Variants in NDE1 observed in about 807,000 individuals in gnomAD.
The protein encoded by NDE1 is nuclear distribution protein nudE homolog 1.
In NDE1, 28 loss-of-function variants were observed where a neutral mutation model predicts 43.4. The observed-to-expected ratio is 0.65, with a 90% confidence interval of 0.48 to 0.89. The LOEUF (loss-of-function observed/expected upper bound fraction) is 0.89, where lower values mean the gene tolerates loss of function less well. Among genes scored for constraint, NDE1 ranks in the 40% least tolerant of loss-of-function variants. The pLI is 0.00. For missense variants in NDE1, 441 were observed against 434.1 expected (o/e 1.02, Z -0.14); for synonymous variants, 184 against 172.0 (o/e 1.07, Z -0.55).
chr16:15,703,772 T>G, intron 8 of NDE1: 1 of 620,216 alleles, frequency 1.6e-6, no homozygotes, highest in Non-Finnish European at 2.8e-6. Flanking sequence ...AATTCTTGTA[T>G]AGATGAGGTT....
chr16:15,718,196 CTT>C, intron 8 of NDE1: 1 of 1,532,492 alleles, frequency 6.5e-7, no homozygotes, highest in Non-Finnish European at 8.9e-7. Context: ...CCACCACCCT[CTT>C]GTCCCTCAAT....
At chr16:15,691,000 G>A (rs2038720976) in intron 5 of NDE1, 144 bp from the exon 6 acceptor site, 4 of 902,734 alleles carry the variant, frequency 4.4e-6, no homozygotes, top group Admixed American at 2.0e-5. Flanking sequence ...TAGAGATGAG[G>A]TTTCACCATG....
chr16:15,673,734 G>A (rs141142532), intron 3 of NDE1, among the ~76,000 whole-genome samples: 2 of 152,136 alleles, frequency 1.3e-5, no homozygotes, highest in Non-Finnish European at 2.9e-5. Flanking sequence ...GTCTTCCTAT[G>A]TTGCCTAGGC....
At chr16:15,706,358 C>T (rs1047785977) in intron 8 of NDE1, among the ~76,000 whole-genome samples, 2 of 152,114 alleles carry the variant, frequency 1.3e-5, no homozygotes, top group African/African-American at 4.8e-5. Flanking sequence ...TTGACTGTTC[C>T]CTGTACGCTC....
intron 2 of NDE1, among the ~76,000 whole-genome samples, chr16:15,666,650 C>A (rs1052480918): frequency 1.3e-5 from 2 of 152,138 alleles, no homozygotes; most frequent in Non-Finnish European, 2.9e-5. Flanking sequence ...GGGTCTCACT[C>A]TGTCACCCAG....
chr16:15,703,245 T>G (rs961635688), intron 8 of NDE1: 1 of 215,562 alleles, frequency 4.6e-6, no homozygotes, highest in Non-Finnish European at 9.4e-6. Flanking sequence ...TTTCAATTCA[T>G]GTGACTACAG....
intron 4 of NDE1, among the ~76,000 whole-genome samples, chr16:15,678,162 C>T (rs1458917377): frequency 2.0e-5 from 3 of 152,140 alleles, no homozygotes; most frequent in Non-Finnish European, 2.9e-5. Context: ...GCCCAGGGTG[C>T]TGTGGGGGTG....
In NDE1 at chr16:15,676,366, C is replaced by T. The variant is rs193222862; in HGVS notation, c.238-1435C>T. On this transcript the variant is annotated intron_variant, in intron 3 of 8. Coordinates refer to ENST00000396354, the MANE Select transcript of NDE1 (RefSeq NM_017668.3). ...CTGGGATTATAGGCATGCACCACCA[C>T]GCCTGGCTAATTTTTTTGTATTTTT... Among the ~76,000 whole-genome samples the T allele has an allele frequency of 3.6e-3, 553 of 151,790 alleles. 1 individual carries two copies. The highest frequency in any genetic ancestry group is 4.7e-3 in the Non-Finnish European group (318 of 67,942).
intron 1 of NDE1, among the ~76,000 whole-genome samples, chr16:15,658,358 A>G (rs1321736874): frequency 6.6e-6 from 1 of 152,238 alleles, no homozygotes; most frequent in African/African-American, 2.4e-5. Flanking sequence ...CGTGACTGTC[A>G]CTGGCTGAGC....
intron 8 of NDE1, chr16:15,708,940 A>T (rs1486879134): frequency 8.1e-7 from 1 of 1,236,886 alleles, no homozygotes; most frequent in Admixed American, 2.0e-5. Flanking sequence ...CTTCGATTTA[A>T]TAATTAAAGG....
intron 1 of NDE1, among the ~76,000 whole-genome samples, chr16:15,644,739 A>G (rs1397266528): frequency 6.6e-6 from 1 of 152,218 alleles, no homozygotes; most frequent in East Asian, 1.9e-4. Context: ...GTACCAAACA[A>G]ATACGCTACT....
intron 8 of NDE1, chr16:15,720,688 A>G (rs750428411): frequency 2.3e-6 from 2 of 864,222 alleles, no homozygotes; most frequent in Non-Finnish European, 3.7e-6. Context: ...AGCTGAGATT[A>G]CGCCACTGCA....
At chr16:15,677,359 A>G (rs1384289825) in intron 3 of NDE1, among the ~76,000 whole-genome samples, 2 of 152,018 alleles carry the variant, frequency 1.3e-5, no homozygotes, top group Non-Finnish European at 2.9e-5. Flanking sequence ...CGAGGCGTGC[A>G]GATCACTTGA....
At chr16:15,653,929 C>G (rs1420498398) in intron 1 of NDE1, among the ~76,000 whole-genome samples, 17 of 151,904 alleles carry the variant, frequency 1.1e-4, no homozygotes. Flanking sequence ...GGGGTTTCAC[C>G]ATGTTGCCCA....
chr16:15,707,899 G>C (rs1278103672), intron 8 of NDE1, among the ~76,000 whole-genome samples: 2 of 149,922 alleles, frequency 1.3e-5, no homozygotes, highest in South Asian at 2.1e-4. Context: ...TTGAACCCAG[G>C]AGGCAAAGGT....
At chr16:15,722,647 C>T (rs891880642) in intron 8 of NDE1, among the ~76,000 whole-genome samples, 3 of 152,182 alleles carry the variant, frequency 2.0e-5, no homozygotes, top group African/African-American at 7.2e-5. Flanking sequence ...AGAGGAGAAA[C>T]TGGGATGTTA....
intron 8 of NDE1, among the ~76,000 whole-genome samples, chr16:15,710,398 G>A (rs1038127354): frequency 1.3e-5 from 2 of 152,174 alleles, no homozygotes; most frequent in African/African-American, 4.8e-5. Context: ...GCACGCACCT[G>A]TAATCTCAGC....
At chr16:15,685,590 A>G (rs2038398477) in intron 4 of NDE1, among the ~76,000 whole-genome samples, 1 of 152,054 alleles carries the variant, frequency 6.6e-6, no homozygotes, top group South Asian at 2.1e-4. Flanking sequence ...ACTTTATCCT[A>G]TCCACTACTT....
chr16:15,702,342 G>A (rs558871322), intron 8 of NDE1, among the ~76,000 whole-genome samples: 1 of 152,128 alleles, frequency 6.6e-6, no homozygotes, highest in Non-Finnish European at 1.5e-5. Context: ...ATGAATATTC[G>A]GCAAGACCAT....
Sources: gnomAD v4.1 joint callset for allele counts (sites outside exome capture counted in the v4.1 genomes callset) on GRCh38, gnomAD v4.1.1 for gene constraint, MANE v1.5 for transcripts, NCBI Gene and HGNC (gene_info 2026-07-23, HGNC 2026-07-21) for gene names.